The following GABRB1 variants were observed in gnomAD, a reference collection of about 807,000 sequenced individuals.
The protein encoded by GABRB1 is gamma-aminobutyric acid receptor subunit beta-1.
GABRB1 carries 17 observed loss-of-function variants against 51.6 expected under a neutral mutation model. The observed-to-expected ratio is 0.33, with a 90% confidence interval of 0.23 to 0.49. The LOEUF is 0.49. Ranked by LOEUF, GABRB1 falls within the 20% of genes least tolerant of loss-of-function variation. The pLI is 0.99. For synonymous variants in GABRB1, 247 were observed against 218.9 expected (o/e 1.13, Z -1.14); for missense variants, 410 against 600.6 (o/e 0.68, Z 3.32).
chr4:47,186,734 A>G (rs1439898201), intron 4 of GABRB1, among the ~76,000 whole-genome samples: 1 of 151,848 alleles, frequency 6.6e-6, no homozygotes, highest in Non-Finnish European at 1.5e-5. Context: ...TCTTCAACTA[A>G]AGAGGGCAGT....
In GABRB1 at chr4:47,299,050, A is replaced by C. The variant is rs1456343385; in HGVS notation, c.462-21077A>C. Among the ~76,000 whole-genome samples, 10 of 151,476 alleles carry C rather than the reference A, an allele frequency of 6.6e-5. No homozygotes were observed. In the East Asian group the frequency reaches 1.9e-3, roughly 29 times the overall value. On this transcript the variant is annotated intron_variant, in intron 4 of 8. Transcript: ENST00000295454. ...TGGCTAGCCATATGTAGAAAGCTGA[A>C]ACTGGATCCCTTCCTTACACCTTAT...
intron 3 of GABRB1, among the ~76,000 whole-genome samples, chr4:47,122,120 T>C (rs571153509): frequency 2.6e-4 from 40 of 152,178 alleles, no homozygotes; most frequent in African/African-American, 9.6e-4. Flanking sequence ...ACTTAATATG[T>C]GATCATCCTA....
chr4:47,245,833 T>TA (rs981052619), intron 4 of GABRB1, among the ~76,000 whole-genome samples: 2 of 151,542 alleles, frequency 1.3e-5, no homozygotes, highest in Admixed American at 1.3e-4. Flanking sequence ...CTTTCTTTTT[T>TA]TTTTTTTTTA....
chr4:47,248,854 C>T (rs1369626164), intron 4 of GABRB1, among the ~76,000 whole-genome samples: 1 of 151,972 alleles, frequency 6.6e-6, no homozygotes, highest in Admixed American at 6.6e-5. Flanking sequence ...GTTGTAATAT[C>T]TCCTGTTACT....
chr4:47,203,299 C>T lies in GABRB1; in HGVS notation c.461+41830C>T, dbSNP rs565492462. Among the ~76,000 whole-genome samples the T allele has an allele frequency of 5.3e-5, 8 of 152,250 alleles. No individual in the cohort carries two copies. In the South Asian group the frequency reaches 1.7e-3, roughly 32 times the overall value. ...CTTCAATAAACAATTTCTGTGATTC[C>T]ATCTTGTAAGGAGTCGTTCAACGTG... On this transcript the variant is annotated intron_variant, in intron 4 of 8. Transcript: ENST00000295454.
At chr4:47,205,574 C>T (rs1460877194) in intron 4 of GABRB1, among the ~76,000 whole-genome samples, 1 of 152,038 alleles carries the variant, frequency 6.6e-6, no homozygotes, top group Non-Finnish European at 1.5e-5. Flanking sequence ...TATAAAATGC[C>T]TTGTAGGGAT....
chr4:47,175,031 TCCTC>T (rs1159899778), intron 4 of GABRB1, among the ~76,000 whole-genome samples: 2 of 141,738 alleles, frequency 1.4e-5, no homozygotes, highest in Admixed American at 7.0e-5. Context: ...CTTCCTTCCT[TCCTC>T]CCTCCCTCCT....
At chr4:47,086,671 C>T (rs750008164) in intron 3 of GABRB1, among the ~76,000 whole-genome samples, 60 of 152,270 alleles carry the variant, frequency 3.9e-4, no homozygotes, top group Non-Finnish European at 7.2e-4. Flanking sequence ...AATAAAAATG[C>T]TCCTGTGCCT....
chr4:47,160,901 A>C (rs1233625294), intron 3 of GABRB1, among the ~76,000 whole-genome samples: 1 of 151,890 alleles, frequency 6.6e-6, no homozygotes, highest in Non-Finnish European at 1.5e-5. Context: ...ATCCTGCTAC[A>C]TCAGCCTCCC....
chr4:47,327,669 A>T (rs951731624), intron 5 of GABRB1, among the ~76,000 whole-genome samples: 4 of 152,212 alleles, frequency 2.6e-5, no homozygotes, highest in Non-Finnish European at 5.9e-5. Context: ...TAATTTAATG[A>T]ACTATCCACT....
chr4:47,325,295 C>T (rs1399935760), intron 5 of GABRB1, among the ~76,000 whole-genome samples: 2 of 152,028 alleles, frequency 1.3e-5, no homozygotes, highest in Non-Finnish European at 2.9e-5. Context: ...ATTAGCAGGG[C>T]ATGGTGGCAC....
At chr4:47,323,283 A>G (rs1346372429) in intron 5 of GABRB1, among the ~76,000 whole-genome samples, 1 of 152,212 alleles carries the variant, frequency 6.6e-6, no homozygotes, top group Middle Eastern at 3.2e-3. Context: ...TCAACATTTT[A>G]CTTAAAATGA....
intron 4 of GABRB1, among the ~76,000 whole-genome samples, chr4:47,226,938 A>G (rs1720962835): frequency 6.6e-6 from 1 of 152,198 alleles, no homozygotes; most frequent in Non-Finnish European, 1.5e-5. Context: ...TATGGAGTGA[A>G]TAATAACCAC....
chr4:47,319,600 T>A (rs1307980971), intron 4 of GABRB1, among the ~76,000 whole-genome samples: 2 of 152,210 alleles, frequency 1.3e-5, no homozygotes, highest in African/African-American at 4.8e-5. Context: ...AGTATTTTAT[T>A]GAGAATGTTT....
chr4:47,253,278 T>C (rs544575326), intron 4 of GABRB1, among the ~76,000 whole-genome samples: 3 of 152,226 alleles, frequency 2.0e-5, no homozygotes, highest in Non-Finnish European at 2.9e-5. Context: ...TTGTTAGTTG[T>C]TTATGTCAAA....
chr4:47,248,540 C>A (rs768925533), intron 4 of GABRB1, among the ~76,000 whole-genome samples: 2 of 152,094 alleles, frequency 1.3e-5, no homozygotes, highest in Middle Eastern at 3.4e-3. Context: ...AGAGAGGGTT[C>A]TTTCTTTCTC....
chr4:47,255,694 G>T (rs1008144717), intron 4 of GABRB1, among the ~76,000 whole-genome samples: 13 of 152,212 alleles, frequency 8.5e-5, no homozygotes, highest in Admixed American at 8.5e-4. Context: ...TGGAAGGCTT[G>T]TTAAAACACA....
At chr4:47,039,272 T>A (rs1326156274) in intron 3 of GABRB1, among the ~76,000 whole-genome samples, 3 of 148,296 alleles carry the variant, frequency 2.0e-5, no homozygotes, top group Admixed American at 6.9e-5. Flanking sequence ...ACATCCCCGA[T>A]AAAATCTGTT....
intron 4 of GABRB1, among the ~76,000 whole-genome samples, chr4:47,260,864 C>T (rs908760657): frequency 2.0e-5 from 3 of 152,160 alleles, no homozygotes; most frequent in African/African-American, 7.2e-5. Flanking sequence ...ATCAAGTGGG[C>T]TTCATCCCTG....
Sources: gnomAD v4.1 joint callset for allele counts (sites outside exome capture counted in the v4.1 genomes callset) on GRCh38, gnomAD v4.1.1 for gene constraint, MANE v1.5 for transcripts, NCBI Gene and HGNC (gene_info 2026-07-23, HGNC 2026-07-21) for gene names.